Variants in CAND1 observed in about 807,000 individuals in gnomAD.
CAND1 encodes cullin associated and neddylation dissociated 1.
Under a neutral mutation model 108.5 loss-of-function variants are expected in CAND1, and 7 were observed. The observed-to-expected ratio is 0.06, with a 90% confidence interval of 0.04 to 0.12. The LOEUF (loss-of-function observed/expected upper bound fraction) is 0.12. CAND1 is among the 10% of genes least tolerant of loss of function. CAND1 has a pLI of 1.00. For missense variants in CAND1, 941 were observed against 1,448.7 expected (o/e 0.65, Z 5.69); for synonymous variants, 534 against 512.0 (o/e 1.04, Z -0.58).
chr12:67,288,863 T>A (rs2044697050), intron 2 of CAND1, among the ~76,000 whole-genome samples: 1 of 152,216 alleles, frequency 6.6e-6, no homozygotes, highest in South Asian at 2.1e-4. Context: ...TTAGTGAAGT[T>A]TGGTCAGAGA....
At chr12:67,292,524 G>A in intron 2 of CAND1, 98 bp from the exon 3 acceptor site, 1 of 789,868 alleles carries the variant, frequency 1.3e-6, no homozygotes, top group Non-Finnish European at 2.0e-6. Flanking sequence ...ACTTTATCTT[G>A]AAAGTTCTAG....
At chr12:67,278,201 A>G (rs1472064664) in intron 1 of CAND1, among the ~76,000 whole-genome samples, 1 of 152,060 alleles carries the variant, frequency 6.6e-6, no homozygotes, top group Non-Finnish European at 1.5e-5. Context: ...CAGTGACGTG[A>G]TCTTGACTCA....
chr12:67,284,976 G>A (rs950343321), intron 2 of CAND1, among the ~76,000 whole-genome samples: 1 of 152,124 alleles, frequency 6.6e-6, no homozygotes, highest in African/African-American at 2.4e-5. Context: ...GGAGAAACAA[G>A]TCAATTAAGA....
chr12:67,271,319 A>T (rs17103644), intron 1 of CAND1, among the ~76,000 whole-genome samples: 2 of 152,118 alleles, frequency 1.3e-5, no homozygotes, highest in African/African-American at 4.8e-5. Context: ...CTTGCTTCCA[A>T]TTCAAGTAAT....
chr12:67,311,855 G>A (rs1592627430), intron 14 of CAND1, 55 bp downstream of exon 14: 1 of 997,332 alleles, frequency 1.0e-6, no homozygotes. Context: ...GGGATTCCTA[G>A]CCAATTCTTT....
At chr12:67,276,031 C>G (rs1401933178) in intron 1 of CAND1, among the ~76,000 whole-genome samples, 1 of 152,082 alleles carries the variant, frequency 6.6e-6, no homozygotes, top group Admixed American at 6.5e-5. Context: ...TTGATATCAC[C>G]CTTCTCCCGT....
In CAND1 at chr12:67,305,952, C is replaced by G. The variant is rs2044878849; in HGVS notation, c.2284C>G (p.Leu762Val). The change falls in exon 10 of 15, where the codon CTG (leucine) becomes GTG (valine). Residue 762 changes from leucine to valine, a missense_variant. Leu to Val is a conservative substitution (Grantham distance 32). This residue lies in a region of CAND1 where 697 missense variants were observed against 942.0 expected (regional missense o/e 0.74). Transcript: ENST00000545606. The surrounding 1 kb of genome is among the most constrained non-coding windows in gnomAD (Gnocchi z 4.4). ...LSAMLDFFQALVVTGTNNLGY... is the reference protein window; with the variant it reads ...LSAMLDFFQAVVVTGTNNLGY... ...TGCCATGCTAGACTTTTTCCAAGCTCTGGTTGTCACTGGAACAAATAATTT... is the reference window on the plus strand; with the variant it reads ...TGCCATGCTAGACTTTTTCCAAGCTGTGGTTGTCACTGGAACAAATAATTT... 1 of 1,614,164 alleles carries G rather than the reference C, an allele frequency of 6.2e-7. No individual in the cohort carries two copies. The highest frequency in any genetic ancestry group is 8.5e-7 in the Non-Finnish European group (1 of 1,180,012).
intron 1 of CAND1, among the ~76,000 whole-genome samples, chr12:67,278,439 A>G (rs755773299): frequency 6.7e-6 from 1 of 149,550 alleles, no homozygotes; most frequent in Non-Finnish European, 1.5e-5. Context: ...GTGAGCCACC[A>G]TGCCCAGCTC....
rs2044720498 is a variant in CAND1 at position 67,291,400 on chromosome 12, C to T, written c.213-1222C>T. ...AAGGGCAGTGGAAATTCTTTTGGTT[C>T]ATGAGGTGGTGTTTGGTAATAGAAA... On this transcript the variant is annotated intron_variant, in intron 2 of 14. Transcript: ENST00000545606. 2.0e-5 allele frequency among the ~76,000 whole-genome samples: 3 copies of T among 152,226 alleles called. No homozygotes were observed. In the South Asian group the frequency reaches 6.2e-4, roughly 32 times the overall value.
At chr12:67,309,735 A>G (rs2044928797) in intron 11 of CAND1, among the ~76,000 whole-genome samples, 166 bp from the exon 12 acceptor site, 1 of 152,086 alleles carries the variant, frequency 6.6e-6, no homozygotes, top group Non-Finnish European at 1.5e-5. Flanking sequence ...CTGCTGAAAG[A>G]AACGTTATGG....
intron 1 of CAND1, among the ~76,000 whole-genome samples, chr12:67,278,203 C>T (rs1050140004): frequency 2.0e-5 from 3 of 152,096 alleles, no homozygotes; most frequent in Non-Finnish European, 4.4e-5. Context: ...GTGACGTGAT[C>T]TTGACTCACT....
rs1450254942 is a variant in CAND1 at position 67,297,441 on chromosome 12, A to G, written c.526A>G (p.Ile176Val). The G allele has an allele frequency of 1.9e-6, 3 of 1,613,780 alleles. No homozygotes were observed. The highest frequency in any genetic ancestry group is 1.7e-5 in the Admixed American group (1 of 59,966). ...GGLLVNFHPS[I>V]LTCLLPQLTS... The stretch of plus-strand genomic sequence containing the variant: ...ACTTCTTGTTAATTTCCATCCTTCA[A>G]TTCTGACCTGTCTACTTCCCCAGTT... Residue 176 changes from isoleucine (I) to valine (V), a missense_variant, in exon 5 of 15, where the codon ATT becomes GTT. Ile to Val is a conservative substitution (Grantham distance 29). Around this residue, in one of 9 missense-constraint regions of CAND1, gnomAD observed 697 missense variants for 942.0 expected, o/e 0.74. Coordinates refer to ENST00000545606, the MANE Select transcript of CAND1 (RefSeq NM_018448.5).
intron 7 of CAND1, among the ~76,000 whole-genome samples, chr12:67,301,211 G>A (rs1202935022): frequency 4.6e-5 from 7 of 152,080 alleles, no homozygotes; most frequent in Admixed American, 2.6e-4. Context: ...GTATTTGGTT[G>A]TATTTTCCTG....
In CAND1 at chr12:67,317,473, A is replaced by ATTTTTTTTTTTTTTTTTTTTTTTTTTTTT. The variant is rs61481589; in HGVS notation, c.*4666_*4667insTTTTTTTTTTTTTTTTTTTTTTTTTTTTT. ...CTTTTTTCTTTTTTTTTCTTTCTTA[A>ATTTTTTTTTTTTTTTTTTTTTTTTTTTTT]TTTTTTTTTTTTTTTTTTTTTTTGA... On this transcript the variant is annotated 3_prime_UTR_variant, in exon 15 of 15. Transcript: ENST00000545606. 1.1e-5 allele frequency: 1 copy of ATTTTTTTTTTTTTTTTTTTTTTTTTTTTT among 88,218 alleles called. No individual in the cohort carries two copies. Among genetic ancestry groups the ATTTTTTTTTTTTTTTTTTTTTTTTTTTTT allele is most frequent in the Non-Finnish European group, 2.1e-5 (1 of 47,096 alleles). The allele number at this position is 88,218 out of a possible 1,614,324, so 5.5% of individuals were successfully genotyped here. A position where few individuals can be genotyped will look rare whatever the true frequency, so the allele number is the denominator to read the frequency against.
intron 14 of CAND1, 117 bp from the exon 15 acceptor site, chr12:67,312,489 A>G: frequency 1.8e-6 from 1 of 560,368 alleles, no homozygotes; most frequent in Non-Finnish European, 3.1e-6. Context: ...TTAGAATGTA[A>G]TATGCCTTAT....
chr12:67,285,329 A>G (rs562269945), intron 2 of CAND1, among the ~76,000 whole-genome samples: 1 of 152,248 alleles, frequency 6.6e-6, no homozygotes, highest in Non-Finnish European at 1.5e-5. Flanking sequence ...GGATAACTCC[A>G]CATCATAAAG....
At chr12:67,294,170 G>T (rs541784388) in intron 3 of CAND1, among the ~76,000 whole-genome samples, 1 of 152,076 alleles carries the variant, frequency 6.6e-6, no homozygotes, top group Non-Finnish European at 1.5e-5. Context: ...TCATTGAAAT[G>T]TGTTTGCATT....
intron 7 of CAND1, among the ~76,000 whole-genome samples, chr12:67,300,402 G>A (rs1232649418): frequency 6.6e-6 from 1 of 152,054 alleles, no homozygotes. Context: ...AGATTCATAT[G>A]CAACTGCTTA....
intron 1 of CAND1, among the ~76,000 whole-genome samples, chr12:67,271,671 A>G (rs1335635009): frequency 6.6e-6 from 1 of 152,224 alleles, no homozygotes; most frequent in Non-Finnish European, 1.5e-5. Context: ...TTTGGTAAAG[A>G]TTATGTATGA....
Sources: allele counts gnomAD v4.1 joint callset (sites outside exome capture counted in the v4.1 genomes callset), GRCh38; gene constraint gnomAD v4.1.1; regional missense constraint gnomAD v4.1.1; non-coding constraint Gnocchi (gnomAD v3.1); transcripts MANE v1.5; gene names NCBI Gene and HGNC (gene_info 2026-07-23, HGNC 2026-07-21).